Variants in CROT observed in about 807,000 individuals in gnomAD.
CROT encodes the protein peroxisomal carnitine O-octanoyltransferase.
Under a neutral mutation model 89.2 loss-of-function variants are expected in CROT, and 84 were observed. The ratio of observed to expected loss-of-function variants is 0.94; its 90% CI spans 0.79 to 1.13. The LOEUF (loss-of-function observed/expected upper bound fraction) is 1.13. Among genes scored for constraint, CROT ranks in the 50% most tolerant of loss-of-function variants. The probability of loss-of-function intolerance (pLI) is 0.00; values close to 1 mark genes in which losing one functional copy is unlikely to be tolerated. For synonymous variants in CROT, 212 were observed against 239.5 expected, an observed-to-expected ratio of 0.89 and a Z score of 1.06; for missense variants, 711 against 727.8, an observed-to-expected ratio of 0.98 and a Z score of 0.27.
intron 6 of CROT, among the ~76,000 whole-genome samples, chr7:87,366,784 T>C (rs1206768599): frequency 6.6e-6 from 1 of 152,152 alleles, no homozygotes; most frequent in Non-Finnish European, 1.5e-5. Context: ...ATTTAATTTG[T>C]CTTTTCTCTA....
chr7:87,351,324 A>AG (rs1400145685), intron 3 of CROT, among the ~76,000 whole-genome samples: 8 of 151,286 alleles, frequency 5.3e-5, no homozygotes, highest in Non-Finnish European at 1.0e-4. Context: ...AAAAAAAAAA[A>AG]AAAAAAAAGA....
chr7:87,373,682 G>C (rs1806713704), intron 7 of CROT, among the ~76,000 whole-genome samples: 1 of 151,996 alleles, frequency 6.6e-6, no homozygotes, highest in South Asian at 2.1e-4. Context: ...TGGTGTTGAA[G>C]TTAGAGAGTT....
In CROT at chr7:87,369,439, ATGT is replaced by A. The variant is rs1186213666; in HGVS notation, c.612_614del (p.Asp204_Val205delinsGlu). 2.5e-6 allele frequency: 4 copies of A among 1,613,164 alleles called. No individual in the cohort carries two copies. The African/African-American group carries it at 5.3e-5, about 22-fold the overall frequency. ...TGTCGAGGCCGAGCTTTTGTCTTTGATGTAATACATGAAGGATGTTTGGTCACC... is the reference window on the plus strand; with the variant it reads ...TGTCGAGGCCGAGCTTTTGTCTTTGAAATACATGAAGGATGTTTGGTCACC... On this transcript the variant is annotated inframe_deletion, in exon 7 of 18. Transcript: ENST00000331536.
chr7:87,359,920 T>C, intron 4 of CROT: 2 of 985,030 alleles, frequency 2.0e-6, no homozygotes, highest in Non-Finnish European at 2.4e-6. Context: ...TGAGGTTGTA[T>C]AATTCAAAAG....
At chr7:87,365,100 G>A (rs1163211976) in intron 6 of CROT, among the ~76,000 whole-genome samples, 2 of 152,176 alleles carry the variant, frequency 1.3e-5, no homozygotes, top group African/African-American at 2.4e-5. Flanking sequence ...GCATCAGTGA[G>A]GGGCAGGAGG....
chr7:87,370,419 A>G (rs944159282), intron 7 of CROT, among the ~76,000 whole-genome samples: 4 of 152,154 alleles, frequency 2.6e-5, no homozygotes, highest in Admixed American at 2.0e-4. Context: ...CTGGCCTTAA[A>G]TAATCCGCCT....
chr7:87,394,740 T>TA (rs1408349739), intron 17 of CROT, among the ~76,000 whole-genome samples: 1 of 152,084 alleles, frequency 6.6e-6, no homozygotes, highest in East Asian at 1.9e-4. Context: ...GACTCTACTA[T>TA]GATTCTAGAA....
intron 4 of CROT, among the ~76,000 whole-genome samples, chr7:87,360,488 G>A (rs947445313): frequency 1.6e-4 from 25 of 151,950 alleles, no homozygotes; most frequent in Non-Finnish European, 2.1e-4. Flanking sequence ...TTGCAGGTGC[G>A]CACCACCACA....
At chr7:87,354,531 G>A in intron 3 of CROT, 2 of 400,630 alleles carry the variant, frequency 5.0e-6, no homozygotes, top group South Asian at 4.1e-5. Flanking sequence ...ACAGAATCAA[G>A]TTATACTAGA....
In CROT at chr7:87,392,597, C is replaced by A. The variant is rs758473204; in HGVS notation, c.1457C>A (p.Ala486Asp). Residue 486 changes from alanine to aspartate, a missense_variant, in exon 15 of 18, where the codon GCT (alanine) becomes GAT (aspartate). Transcript: ENST00000331536. ...GAGCGGCAGCAAAAGATGTTACAAG[C>A]TTTTGCAAAGCATAATAAAATGATG... ...LRERQQKMLQ[A>D]FAKHNKMMKD... 1.3e-5 allele frequency: 21 copies of A among 1,613,436 alleles called. No individual in the cohort carries two copies. The highest frequency in any genetic ancestry group is 2.2e-5 in the East Asian group (1 of 44,868).
intron 2 of CROT, among the ~76,000 whole-genome samples, chr7:87,348,704 T>A (rs1805775449): frequency 1.3e-5 from 2 of 152,218 alleles, no homozygotes. Context: ...TATGTAAAAT[T>A]GCAAAGAATG....
chr7:87,375,083 A>G (rs1227738654), intron 7 of CROT, among the ~76,000 whole-genome samples: 2 of 152,198 alleles, frequency 1.3e-5, no homozygotes, highest in African/African-American at 4.8e-5. Context: ...CTTAGCTAAT[A>G]GAGTCTTTAA....
At chr7:87,393,558 G>C (rs1442756943) in intron 17 of CROT, among the ~76,000 whole-genome samples, 1 of 152,070 alleles carries the variant, frequency 6.6e-6, no homozygotes, top group Non-Finnish European at 1.5e-5. Flanking sequence ...AGAAAGAAAA[G>C]ATCAAAACCT....
Position 87,369,445 on chromosome 7 carries a change from T to C in CROT, c.617T>C (p.Ile206Thr), listed in dbSNP as rs1462422943. The C allele has an allele frequency of 3.1e-6, 5 of 1,613,214 alleles. No homozygotes were observed. Among genetic ancestry groups the C allele is most frequent in the African/African-American group, 1.3e-5 (1 of 74,912 alleles). ...CRGRAFVFDV[I>T]HEGCLVTPPE... The stretch of plus-strand genomic sequence containing the variant: ...GGCCGAGCTTTTGTCTTTGATGTAA[T>C]ACATGAAGGATGTTTGGTCACCCCG... The change falls in exon 7 of 18, where the codon ATA (isoleucine) becomes ACA (threonine). Residue 206 changes from isoleucine to threonine, a missense_variant. Transcript: ENST00000331536.
chr7:87,392,697 T>G (rs750650876), intron 15 of CROT, 33 bp from the exon 16 acceptor site: 78 of 1,611,210 alleles, frequency 4.8e-5, no homozygotes, highest in Non-Finnish European at 6.2e-5. Context: ...TGAAAAATTT[T>G]TTTCTAACCT....
At chr7:87,359,773 A>T (rs1460024829) in intron 4 of CROT, 3 of 995,784 alleles carry the variant, frequency 3.0e-6, no homozygotes, top group East Asian at 2.2e-4. Flanking sequence ...GAGAATGGTT[A>T]TGTATATTGT....
intron 13 of CROT, among the ~76,000 whole-genome samples, chr7:87,385,117 T>C (rs31635): frequency 0.87 from 132,310 of 151,686 alleles, 57,853 homozygotes; most frequent in Middle Eastern, 0.94. Flanking sequence ...TTTTGAAGTT[T>C]GGTAATGTGA....
At chr7:87,381,784 GGT>G (rs1807015234) in intron 10 of CROT, 124 bp from the exon 11 acceptor site, 1 of 598,240 alleles carries the variant, frequency 1.7e-6, no homozygotes, top group African/African-American at 1.9e-5. Context: ...ATCCTCAAGA[GGT>G]GAGGCATTTG....
At chr7:87,364,239 A>G (rs937787815) in intron 6 of CROT, among the ~76,000 whole-genome samples, 4 of 152,236 alleles carry the variant, frequency 2.6e-5, no homozygotes, top group Non-Finnish European at 5.9e-5. Flanking sequence ...CCATAACAGT[A>G]GCCAAGGTTA....
Sources: allele counts gnomAD v4.1 joint callset (sites outside exome capture counted in the v4.1 genomes callset), GRCh38; gene constraint gnomAD v4.1.1; transcripts MANE v1.5; gene names NCBI Gene and HGNC (gene_info 2026-07-23, HGNC 2026-07-21).